CDH13: variants seen among roughly 807,000 people sequenced by gnomAD.
CDH13 encodes cadherin-13.
Under a neutral mutation model 63.8 loss-of-function variants are expected in CDH13, and 24 were observed. The observed-to-expected ratio is 0.38, with a 90% confidence interval of 0.27 to 0.53. CDH13 has a LOEUF of 0.53. Among genes scored for constraint, CDH13 ranks in the 20% least tolerant of loss-of-function variants. CDH13 has a pLI of 0.85. For synonymous variants in CDH13, 503 were observed against 355.3 expected, an observed-to-expected ratio of 1.42 and a Z score of -4.67; for missense variants, 1,049 against 903.1, an observed-to-expected ratio of 1.16 and a Z score of -2.07.
At chr16:83,456,821 G>C (rs942985775) in intron 6 of CDH13, among the ~76,000 whole-genome samples, 1 of 152,124 alleles carries the variant, frequency 6.6e-6, no homozygotes, top group African/African-American at 2.4e-5. Flanking sequence ...AATTAGCCAG[G>C]CATGGTGGCA....
intron 5 of CDH13, among the ~76,000 whole-genome samples, chr16:83,258,960 C>G (rs1906632274): frequency 6.6e-6 from 1 of 152,132 alleles, no homozygotes; most frequent in African/African-American, 2.4e-5. Context: ...GATACATAAA[C>G]AAAAGGAATT....
chr16:82,927,833 G>A (rs573561829), intron 2 of CDH13, among the ~76,000 whole-genome samples: 2 of 152,218 alleles, frequency 1.3e-5, no homozygotes, highest in Non-Finnish European at 2.9e-5. Context: ...GAGTGAATGA[G>A]TGACCAGTGC....
intron 5 of CDH13, among the ~76,000 whole-genome samples, chr16:83,228,444 G>A (rs545709005): frequency 6.6e-6 from 1 of 152,210 alleles, no homozygotes; most frequent in Non-Finnish European, 1.5e-5. Flanking sequence ...CAGAGATGAA[G>A]GAAGGGACAC....
At chr16:83,703,199 C>G (rs944429853) in intron 10 of CDH13, among the ~76,000 whole-genome samples, 4 of 152,150 alleles carry the variant, frequency 2.6e-5, no homozygotes, top group Non-Finnish European at 2.9e-5. Flanking sequence ...AAAAGACACG[C>G]TGCAGTATGT....
chr16:83,312,066 C>CAA (rs5818437), intron 5 of CDH13, among the ~76,000 whole-genome samples: 2,914 of 94,732 alleles, frequency 0.031, 68 homozygotes, highest in Admixed American at 0.04. Context: ...AACTCCATCT[C>CAA]AAAAAAAAAA....
chr16:82,831,751 C>G (rs2038551728), intron 1 of CDH13, among the ~76,000 whole-genome samples: 1 of 152,204 alleles, frequency 6.6e-6, no homozygotes, highest in Admixed American at 6.5e-5. Context: ...GTCAATCTTC[C>G]TAATGATTAA....
chr16:83,784,766 T>TACC (rs146617197), intron 13 of CDH13, among the ~76,000 whole-genome samples: 1,696 of 152,226 alleles, frequency 0.011, 40 homozygotes, highest in African/African-American at 0.039. Flanking sequence ...CTGATGACTG[T>TACC]ACCACCACCA....
chr16:82,827,946 C>G (rs1325518826), intron 1 of CDH13, among the ~76,000 whole-genome samples: 2 of 152,072 alleles, frequency 1.3e-5, no homozygotes, highest in Non-Finnish European at 2.9e-5. Flanking sequence ...AGTAGAGTAT[C>G]CAGTCATCCT....
At chr16:83,292,813 C>G (rs2089496620) in intron 5 of CDH13, among the ~76,000 whole-genome samples, 1 of 152,116 alleles carries the variant, frequency 6.6e-6, no homozygotes, top group Non-Finnish European at 1.5e-5. Flanking sequence ...TGATAGTGCT[C>G]TGTTTCTTTT....
chr16:82,665,469 G>T lies in CDH13; in HGVS notation c.45+38332G>T, dbSNP rs757996310. On this transcript the variant is annotated intron_variant, in intron 1 of 13. Transcript: ENST00000567109. ...GAACCTAACCCTGCATTTCTACTAG[G>T]AGCAATGGTTCAATATATGTTAAGT... Among the ~76,000 whole-genome samples, 132 of 152,130 alleles carry T rather than the reference G, an allele frequency of 8.7e-4. 4 individuals are homozygous for T. The highest frequency in any genetic ancestry group is 6.5e-4 in the Non-Finnish European group (44 of 68,028).
chr16:83,335,029 T>A (rs959639148), intron 5 of CDH13, among the ~76,000 whole-genome samples: 2 of 152,212 alleles, frequency 1.3e-5, no homozygotes, highest in African/African-American at 4.8e-5. Flanking sequence ...TCCTGTCTTA[T>A]CACAACAAAC....
chr16:82,838,808 C>T (rs558498126), intron 1 of CDH13, among the ~76,000 whole-genome samples: 13 of 152,306 alleles, frequency 8.5e-5, no homozygotes, highest in Admixed American at 6.5e-4. Context: ...CTGGCCTCTC[C>T]AGGCGGTTTA....
chr16:82,784,909 T>C (rs1025411726), intron 1 of CDH13, among the ~76,000 whole-genome samples: 3 of 152,170 alleles, frequency 2.0e-5, no homozygotes, highest in African/African-American at 7.2e-5. Flanking sequence ...CTGATGCACA[T>C]TGAAGAGGCC....
At chr16:83,254,949 C>CTTTTTCTTTCTTTCTT (rs1358807734) in intron 5 of CDH13, among the ~76,000 whole-genome samples, 7 of 6,728 alleles carry the variant, frequency 1.0e-3, no homozygotes, top group African/African-American at 1.2e-3. Flanking sequence ...TTTTCTTTTT[C>CTTTTTCTTTCTTTCTT]TCTTTCTTTC....
chr16:82,859,616 A>G (rs1597823384), intron 2 of CDH13: 1 of 152,144 alleles, frequency 6.6e-6, no homozygotes, highest in Non-Finnish European at 1.5e-5. Context: ...CATACGCTCC[A>G]AGGTCTTTTC....
intron 1 of CDH13, among the ~76,000 whole-genome samples, chr16:82,787,241 C>A (rs1166820872): frequency 6.6e-6 from 1 of 152,168 alleles, no homozygotes; most frequent in Admixed American, 6.5e-5. Context: ...GATTTGACTT[C>A]TTCACCATGT....
chr16:83,271,227 T>C (rs2088797249), intron 5 of CDH13, among the ~76,000 whole-genome samples: 1 of 151,766 alleles, frequency 6.6e-6, no homozygotes, highest in African/African-American at 2.4e-5. Context: ...TCACATATTG[T>C]ATCCTTTCTG....
At chr16:83,758,031 A>G (rs530038887) in intron 11 of CDH13, among the ~76,000 whole-genome samples, 1 of 151,810 alleles carries the variant, frequency 6.6e-6, no homozygotes, top group East Asian at 1.9e-4. Flanking sequence ...CTCTGTCCCA[A>G]AAAAAAAGAA....
chr16:82,817,435 A>G (rs1421564828), intron 1 of CDH13, among the ~76,000 whole-genome samples: 1 of 152,188 alleles, frequency 6.6e-6, no homozygotes, highest in Non-Finnish European at 1.5e-5. Context: ...AGAAGGGATG[A>G]TAAATATAAC....
Sources: gnomAD v4.1 joint callset for allele counts (sites outside exome capture counted in the v4.1 genomes callset) on GRCh38, gnomAD v4.1.1 for gene constraint, MANE v1.5 for transcripts, NCBI Gene and HGNC (gene_info 2026-07-23, HGNC 2026-07-21) for gene names.